The following CSMD3 variants were observed in gnomAD, a reference collection of about 807,000 sequenced individuals.
CSMD3 encodes CUB and sushi domain-containing protein 3.
A neutral mutation model predicts 435.2 loss-of-function variants in CSMD3; 177 were observed. The ratio of observed to expected loss-of-function variants is 0.41; its 90% CI spans 0.36 to 0.46. CSMD3 has a LOEUF of 0.46. Among genes scored for constraint, CSMD3 ranks in the 20% least tolerant of loss-of-function variants. CSMD3 has a pLI of 0.34. For missense variants in CSMD3, 4,265 were observed against 4,504.6 expected, an observed-to-expected ratio of 0.95 and a Z score of 1.52; for synonymous variants, 1,656 against 1,520.5, an observed-to-expected ratio of 1.09 and a Z score of -2.07.
At chr8:113,298,309 C>T (rs1356567821) in intron 2 of CSMD3, among the ~76,000 whole-genome samples, 1 of 151,788 alleles carries the variant, frequency 6.6e-6, no homozygotes, top group Admixed American at 6.6e-5. Context: ...CGTATTTTAA[C>T]CTAAATAAGG....
At chr8:112,228,668 T>G (rs1812797887) in intron 70 of CSMD3, 88 bp downstream of exon 70, 5 of 1,385,768 alleles carry the variant, frequency 3.6e-6, no homozygotes, top group Non-Finnish European at 5.1e-6. Context: ...AGAAGAAAAT[T>G]TGAAATTAAG....
At chr8:112,911,989 C>T (rs774327183) in intron 10 of CSMD3, among the ~76,000 whole-genome samples, 90 of 149,122 alleles carry the variant, frequency 6.0e-4, no homozygotes, top group Non-Finnish European at 1.2e-3. Flanking sequence ...ACCTTCCTTT[C>T]CTGTCATATG....
chr8:113,244,069 T>C (rs1461037942), intron 3 of CSMD3, among the ~76,000 whole-genome samples: 1 of 152,190 alleles, frequency 6.6e-6, no homozygotes, highest in Non-Finnish European at 1.5e-5. Flanking sequence ...TCTTCTCCAA[T>C]ACACAATTTG....
chr8:112,622,892 A>G (rs1311939520), intron 22 of CSMD3, among the ~76,000 whole-genome samples: 3 of 152,116 alleles, frequency 2.0e-5, no homozygotes, highest in African/African-American at 7.2e-5. Flanking sequence ...TTTTCATTAT[A>G]TCTCCATTTT....
chr8:112,951,396 C>A (rs982128267), intron 8 of CSMD3, among the ~76,000 whole-genome samples: 7 of 151,700 alleles, frequency 4.6e-5, no homozygotes, highest in Non-Finnish European at 8.9e-5. Context: ...ACATAATATA[C>A]CCTAAAGATA....
At chr8:112,410,998 CTTTCTTTCTATT>C (rs369352176) in intron 32 of CSMD3, among the ~76,000 whole-genome samples, 30,702 of 150,734 alleles carry the variant, frequency 0.2, 3,849 homozygotes, top group East Asian at 0.44. Context: ...TCCTTTAACT[CTTTCTTTCTATT>C]AGAAAACATG....
chr8:112,928,612 T>C (rs1296817181), intron 9 of CSMD3, among the ~76,000 whole-genome samples: 2 of 150,936 alleles, frequency 1.3e-5, no homozygotes, highest in African/African-American at 4.9e-5. Flanking sequence ...ACAAAGGACA[T>C]GAACTCATCA....
At chr8:113,221,537 C>A (rs374158507) in intron 3 of CSMD3, among the ~76,000 whole-genome samples, 1 of 151,096 alleles carries the variant, frequency 6.6e-6, no homozygotes, top group African/African-American at 2.4e-5. Flanking sequence ...TAATATAAAG[C>A]AAAGTAAAGA....
At chr8:112,829,491 C>T (rs373880) in intron 12 of CSMD3, among the ~76,000 whole-genome samples, 195 bp downstream of exon 12, 46,753 of 151,908 alleles carry the variant, frequency 0.31, 7,539 homozygotes, top group African/African-American at 0.36. Context: ...AGAAGCCCAA[C>T]TGAACTGAGA....
rs976724784 is a variant in CSMD3, at chr8:112,613,821, A to G, written c.3715+22996T>C. Among the ~76,000 whole-genome samples the G allele has an allele frequency of 1.9e-4, 29 of 152,234 alleles. 1 individual carries two copies. The highest frequency in any genetic ancestry group is 1.6e-3 in the Admixed American group (24 of 15,270). ...TGAGCAGATAAGACAATAACCAAAT[A>G]TAGAAAAATTAACAGATTAGGCCAG... On this transcript the variant is annotated intron_variant, in intron 22 of 70. Coordinates refer to ENST00000297405, the MANE Select transcript of CSMD3 (RefSeq NM_198123.2).
At chr8:113,415,541 C>T (rs760780988) in intron 1 of CSMD3, among the ~76,000 whole-genome samples, 4 of 152,054 alleles carry the variant, frequency 2.6e-5, no homozygotes, top group Non-Finnish European at 5.9e-5. Context: ...TTTTCAGATG[C>T]TGTAAAAATA....
At chr8:113,263,523 C>T (rs886719284) in intron 3 of CSMD3, among the ~76,000 whole-genome samples, 5 of 151,832 alleles carry the variant, frequency 3.3e-5, no homozygotes, top group Non-Finnish European at 5.9e-5. Context: ...TCATTGATTT[C>T]CCATTTACTT....
intron 32 of CSMD3, among the ~76,000 whole-genome samples, chr8:112,449,189 A>C (rs1334540469): frequency 6.6e-6 from 1 of 152,194 alleles, no homozygotes; most frequent in African/African-American, 2.4e-5. Context: ...TAGCTTTAGA[A>C]GGCAGTTCAA....
At chr8:112,909,743 C>A (rs1042841065) in intron 10 of CSMD3, among the ~76,000 whole-genome samples, 1 of 151,820 alleles carries the variant, frequency 6.6e-6, no homozygotes, top group Non-Finnish European at 1.5e-5. Context: ...CATTTCATTT[C>A]TTCCCAAGAA....
At chr8:113,123,728 T>C (rs1391722423) in intron 4 of CSMD3, among the ~76,000 whole-genome samples, 1 of 151,984 alleles carries the variant, frequency 6.6e-6, no homozygotes, top group Admixed American at 6.6e-5. Context: ...TCTGTGTGGC[T>C]GAGGTATCCT....
intron 12 of CSMD3, among the ~76,000 whole-genome samples, chr8:112,818,096 T>C (rs1292182434): frequency 6.6e-6 from 1 of 151,888 alleles, no homozygotes; most frequent in East Asian, 1.9e-4. Context: ...TTATGAACTA[T>C]TTTTTTATGG....
At chr8:112,691,957 C>A (rs1003857120) in intron 13 of CSMD3, among the ~76,000 whole-genome samples, 1 of 151,868 alleles carries the variant, frequency 6.6e-6, no homozygotes, top group Non-Finnish European at 1.5e-5. Context: ...CTCGTGCCAC[C>A]ATGCCCAAGT....
intron 13 of CSMD3, among the ~76,000 whole-genome samples, chr8:112,791,450 T>G (rs550937626): frequency 1.3e-5 from 2 of 152,242 alleles, no homozygotes; most frequent in South Asian, 4.1e-4. Flanking sequence ...TCACTATAGA[T>G]TTTGTTAGCA....
At chr8:113,032,932 G>T in intron 5 of CSMD3, among the ~76,000 whole-genome samples, 1 of 151,486 alleles carries the variant, frequency 6.6e-6, no homozygotes, top group East Asian at 1.9e-4. Flanking sequence ...CCTAAAAGGG[G>T]TCAAGGCACA....
Sources: gnomAD v4.1 joint callset for allele counts (sites outside exome capture counted in the v4.1 genomes callset) on GRCh38, gnomAD v4.1.1 for gene constraint, MANE v1.5 for transcripts, NCBI Gene and HGNC (gene_info 2026-07-23, HGNC 2026-07-21) for gene names.